Variants in SLC9A5 observed in about 807,000 individuals in gnomAD.
The protein encoded by SLC9A5 is solute carrier family 9 member A5.
Under a neutral mutation model 91.7 loss-of-function variants are expected in SLC9A5, and 52 were observed. The ratio of observed to expected loss-of-function variants is 0.57; its 90% confidence interval spans 0.45 to 0.71. SLC9A5 has a LOEUF of 0.71. Among genes scored for constraint, SLC9A5 ranks in the 30% least tolerant of loss-of-function variants. SLC9A5 has a pLI of 0.00. For synonymous variants in SLC9A5, 419 were observed against 474.5 expected (o/e 0.88, Z 1.52); for missense variants, 871 against 1,158.9 (o/e 0.75, Z 3.61).
chr16:67,264,260 T>G (rs8053031), intron 12 of SLC9A5, 92 bp from the exon 13 acceptor site: 63,299 of 1,108,244 alleles, frequency 0.057, 5,511 homozygotes, highest in African/African-American at 0.36. Context: ...GGCTGGCAGG[T>G]CCTGTGGTGA....
chr16:67,255,121 C>A lies in SLC9A5; in HGVS notation c.591C>A (p.His197Gln). 6.2e-7 allele frequency: 1 copy of A among 1,614,038 alleles called. No homozygotes were observed. The highest frequency in any genetic ancestry group is 8.5e-7 in the Non-Finnish European group (1 of 1,179,978). Reference protein sequence around the residue: ...VAVLAVFEEVHVNETLFIIVF... With the variant: ...VAVLAVFEEVQVNETLFIIVF... ...TGCTAGCTGTCTTTGAGGAGGTGCA[C>A]GTCAATGAGACTCTCTTTATCATCG... Residue 197 changes from histidine (H) to glutamine (Q), a missense_variant, in exon 3 of 16, where the codon CAC (histidine) becomes CAA (glutamine). His to Gln is a conservative substitution (Grantham distance 24, BLOSUM62 0). Transcript: ENST00000299798. This position sits in a 1 kb window ranked among gnomAD's most constrained non-coding sequence, Gnocchi z 4.9.
At chr16:67,253,112 G>C (rs929344762) in intron 2 of SLC9A5, among the ~76,000 whole-genome samples, 2 of 152,156 alleles carry the variant, frequency 1.3e-5, no homozygotes, top group Non-Finnish European at 2.9e-5. Context: ...TTACCATTCT[G>C]TTGCCTCCTG....
intron 13 of SLC9A5, 143 bp from the exon 14 acceptor site, chr16:67,264,897 C>G (rs1427661740): frequency 1.2e-6 from 1 of 811,502 alleles, no homozygotes; most frequent in Non-Finnish European, 2.0e-6. Context: ...CCTGGTTGGC[C>G]AAGGGATGGT....
At position 67,268,658 on chromosome 16, in the gene SLC9A5, TTATATATATATATA is replaced by T. The variant is rs60054219; in HGVS notation, c.2219-2040_2219-2027del. Reference sequence around the variant, plus strand: ...TCAAACATCGTTCAAATTTCCCTGATTATATATATATATATATATATATATATATATATATATAT... The same window carrying T: ...TCAAACATCGTTCAAATTTCCCTGATTATATATATATATATATATATATAT... On this transcript the variant is annotated intron_variant, in intron 15 of 15. Transcript: ENST00000299798. Among the ~76,000 whole-genome samples, 311 of 42,316 alleles carry T rather than the reference TTATATATATATATA, an allele frequency of 7.3e-3. 10 individuals carry two copies. Among genetic ancestry groups the T allele is most frequent in the Admixed American group, 0.023 (64 of 2,754 alleles). The allele number at this position is 42,316 out of a possible 152,430, so 27.8% of individuals were successfully genotyped here.
intron 12 of SLC9A5, 138 bp downstream of exon 12, chr16:67,260,084 C>T: frequency 8.1e-7 from 1 of 1,228,140 alleles, no homozygotes; most frequent in South Asian, 1.5e-5. Context: ...TGCGATGGCT[C>T]ATGCCTGTAA....
chr16:67,256,481 T>C lies in SLC9A5; in HGVS notation c.924T>C (p.Cys308=), dbSNP rs368487035. Residue 308 remains cysteine, a synonymous_variant, in exon 6 of 16, where the codon TGT becomes TGC. Coordinates refer to ENST00000299798, the MANE Select transcript of SLC9A5 (RefSeq NM_004594.3). The surrounding 1 kb of genome is among the most constrained non-coding windows in gnomAD (Gnocchi z 4.1). ...SLSAILAVTM[C]GLGCKKYVEA... ...CATCCTCTCCCAGGGTGACCATGTG[T>C]GGCCTGGGCTGTAAGAAGTACGTGG... 11 of 1,609,812 alleles carry C rather than the reference T, an allele frequency of 6.8e-6. No individual in the cohort carries two copies. The African/African-American group carries it at 1.2e-4, about 18-fold the overall frequency.
rs1289032640 is a variant in SLC9A5, at chr16:67,268,710, A to ATT, written c.2219-2024_2219-2023dup. Reference sequence around the variant, plus strand: ...TATATATATATATATATATATATATATTTTTACAGTAGGCTTGTCCAATGT... The same window carrying ATT: ...TATATATATATATATATATATATATATTTTTTTACAGTAGGCTTGTCCAATGT... On this transcript the variant is annotated intron_variant, in intron 15 of 15. Coordinates refer to ENST00000299798, the MANE Select transcript of SLC9A5 (RefSeq NM_004594.3). Among the ~76,000 whole-genome samples, 141 of 89,722 alleles carry ATT rather than the reference A, an allele frequency of 1.6e-3. 1 individual carries two copies. The highest frequency in any genetic ancestry group is 2.4e-3 in the Non-Finnish European group (112 of 46,840). The allele number at this position is 89,722 out of a possible 152,430, so 58.9% of individuals were successfully genotyped here. A position where few individuals can be genotyped will look rare whatever the true frequency, so the allele number is the denominator to read the frequency against.
At position 67,259,696 on chromosome 16, in the gene SLC9A5, C is replaced by A; in HGVS notation, c.1715+35C>A. On this transcript the variant is annotated intron_variant, in intron 11 of 15. Transcript: ENST00000299798. ...TGAGCCCCTTCCCCTTCCTCATACT[C>A]CTCTCCATTGTGCCCTCTCTCTGAG... The A allele has an allele frequency of 2.5e-6, 4 of 1,601,248 alleles. No individual in the cohort carries two copies. In the South Asian group the frequency reaches 3.3e-5, roughly 13 times the overall value.
chr16:67,268,460 G>GATGC (rs1207337940), intron 15 of SLC9A5, among the ~76,000 whole-genome samples: 2 of 148,276 alleles, frequency 1.3e-5, no homozygotes, highest in Non-Finnish European at 3.0e-5. Context: ...AAGGATTCCT[G>GATGC]ATGCATGCCT....
In SLC9A5 at chr16:67,256,989, A is replaced by G. The variant is rs373553376; in HGVS notation, c.1211A>G (p.Tyr404Cys). The G allele has an allele frequency of 3.9e-5, 63 of 1,614,018 alleles. No individual in the cohort carries two copies. In the African/African-American group the frequency reaches 7.5e-4, roughly 19 times the overall value. Residue 404 changes from tyrosine to cysteine, a missense_variant, in exon 7 of 16, where the codon TAT becomes TGT. Around this residue, in one of 3 missense-constraint regions of SLC9A5, gnomAD observed 454 missense variants for 718.3 expected, o/e 0.63. Transcript: ENST00000299798. This position sits in a 1 kb window ranked among gnomAD's most constrained non-coding sequence, Gnocchi z 4.1. The part of the protein sequence containing the change: ...LDKIDQVVMS[Y>C]GGLRGAVAFA... The stretch of plus-strand genomic sequence containing the variant: ...AAGATTGACCAAGTGGTGATGTCCT[A>G]TGGGGGCCTGCGGGGGGCTGTGGCC...
rs2035390232 is a variant in SLC9A5, at chr16:67,258,255, G to A, written c.1497-63G>A. The A allele has an allele frequency of 6.3e-7, 1 of 1,591,276 alleles. No homozygotes were observed. The highest frequency in any genetic ancestry group is 1.3e-5 in the African/African-American group (1 of 74,654). On this transcript the variant is annotated intron_variant, in intron 9 of 15. Transcript: ENST00000299798. The surrounding 1 kb of genome is among the most constrained non-coding windows in gnomAD (Gnocchi z 4.5). ...CTGACGGTGTCCTTGCCCCGTCTGA[G>A]GAAGGGCCACCTGGCCAGGCCTTGG...
chr16:67,258,423 G>A lies in SLC9A5; in HGVS notation c.1602G>A (p.Arg534=). 6.2e-7 allele frequency: 1 copy of A among 1,614,188 alleles called. No individual in the cohort carries two copies. The highest frequency in any genetic ancestry group is 8.5e-7 in the Non-Finnish European group (1 of 1,180,026). The part of the protein sequence containing the change: ...IWDVYYRLNI[R]DAISFVDQGG... Reference sequence around the variant, plus strand: ...ATGTGTACTACAGGCTTAACATCCGGGATGCCATCAGCTTTGTGGACCAGG... The same window carrying A: ...ATGTGTACTACAGGCTTAACATCCGAGATGCCATCAGCTTTGTGGACCAGG... The change falls in exon 10 of 16, where the codon CGG becomes CGA. Residue 534 remains arginine (R), a synonymous_variant. Transcript: ENST00000299798. This position sits in a 1 kb window ranked among gnomAD's most constrained non-coding sequence, Gnocchi z 4.5.
intron 12 of SLC9A5, chr16:67,262,117 C>T: frequency 2.9e-6 from 1 of 350,396 alleles, no homozygotes; most frequent in Non-Finnish European, 5.9e-6. Flanking sequence ...CCATGTCTGC[C>T]ACCAAATGTC....
At position 67,255,839 on chromosome 16, in the gene SLC9A5, C is replaced by A; in HGVS notation, c.820C>A (p.Arg274=). Residue 274 remains arginine (R), a synonymous_variant, in exon 5 of 16, where the codon CGG becomes AGG. Transcript: ENST00000299798. This position sits in a 1 kb window ranked among gnomAD's most constrained non-coding sequence, Gnocchi z 4.9. ...GGCCCTGACCACACGCTTCACCAAGCGGGTCCGCATCATCGAGCCGCTGCT... is the reference window on the plus strand; with the variant it reads ...GGCCCTGACCACACGCTTCACCAAGAGGGTCCGCATCATCGAGCCGCTGCT... ...LLALTTRFTK[R]VRIIEPLLVF... 6.2e-7 allele frequency: 1 copy of A among 1,612,068 alleles called. No individual in the cohort carries two copies. Among genetic ancestry groups the A allele is most frequent in the Non-Finnish European group, 8.5e-7 (1 of 1,179,160 alleles).
intron 14 of SLC9A5, among the ~76,000 whole-genome samples, chr16:67,265,556 T>G (rs563488863): frequency 4.3e-4 from 65 of 152,310 alleles, no homozygotes; most frequent in African/African-American, 1.6e-3. Context: ...GTAGCTGGGA[T>G]TACATGTGCA....
At chr16:67,264,645 T>G in intron 13 of SLC9A5, 123 bp downstream of exon 13, 2 of 930,524 alleles carry the variant, frequency 2.1e-6, no homozygotes, top group Non-Finnish European at 3.3e-6. Flanking sequence ...AGGGGCTTGA[T>G]GACTACAGCA....
chr16:67,260,523 A>G (rs1216113747), intron 12 of SLC9A5, among the ~76,000 whole-genome samples: 1 of 152,156 alleles, frequency 6.6e-6, no homozygotes, highest in Non-Finnish European at 1.5e-5. Flanking sequence ...TGAGTTGAGA[A>G]GCTGGGACAG....
chr16:67,265,066 T>C lies in SLC9A5; in HGVS notation c.2040T>C (p.Ala680=). 6.2e-7 allele frequency: 1 copy of C among 1,614,080 alleles called. No homozygotes were observed. Among genetic ancestry groups the C allele is most frequent in the Non-Finnish European group, 8.5e-7 (1 of 1,180,006 alleles). ...AGGATGGTGTGGCGAATGCTGAGGC[T>C]ACAAATGGGAAACATCGAGGCCTGG... ...RKKDGVANAE[A]TNGKHRGLGF... Residue 680 remains alanine (A), a synonymous_variant, in exon 14 of 16, where the codon GCT becomes GCC. Coordinates refer to ENST00000299798, the MANE Select transcript of SLC9A5 (RefSeq NM_004594.3).
chr16:67,268,687 TA>T (rs2035813026), intron 15 of SLC9A5, among the ~76,000 whole-genome samples: 7 of 77,484 alleles, frequency 9.0e-5, no homozygotes, highest in South Asian at 4.5e-4. Context: ...TATATATATA[TA>T]TATATATATA....
Sources: gnomAD v4.1 joint callset for allele counts (sites outside exome capture counted in the v4.1 genomes callset) on GRCh38, gnomAD v4.1.1 for gene constraint, gnomAD v4.1.1 regional missense constraint, Gnocchi (gnomAD v3.1) non-coding constraint, MANE v1.5 for transcripts, NCBI Gene and HGNC (gene_info 2026-07-23, HGNC 2026-07-21) for gene names.